Variants in ZC3H8 observed in about 807,000 individuals in gnomAD.
ZC3H8 encodes the protein zinc finger CCCH domain-containing protein 8.
Under a neutral mutation model 42.5 loss-of-function variants are expected in ZC3H8, and 27 were observed. The ratio of observed to expected loss-of-function variants is 0.64; its 90% confidence interval spans 0.47 to 0.88. The LOEUF is 0.88. ZC3H8 is among the 40% of genes least tolerant of loss of function. ZC3H8 has a pLI of 0.00. For missense variants in ZC3H8, 277 were observed against 336.1 expected, an observed-to-expected ratio of 0.82 and a Z score of 1.37; for synonymous variants, 101 against 110.1, an observed-to-expected ratio of 0.92 and a Z score of 0.52.
Position 112,227,449 on chromosome 2 carries a change from C to T in ZC3H8, c.*15+3454G>A, listed in dbSNP as rs374538568. 1.8e-4 allele frequency among the ~76,000 whole-genome samples: 27 copies of T among 152,300 alleles called. No homozygotes were observed. In the East Asian group the frequency reaches 4.4e-3, roughly 25 times the overall value. On this transcript the variant is annotated intron_variant, in intron 8 of 8. Transcript: ENST00000409573. ...CTGAGGCAGGAGAATCACCTGAACC[C>T]GCAAGGCCGCGGTTGCAGTGAACCG... is the stretch of plus-strand genomic sequence containing the variant.
At chr2:112,232,311 T>C (rs1685130179) in intron 6 of ZC3H8, among the ~76,000 whole-genome samples, 1 of 114,010 alleles carries the variant, frequency 8.8e-6, no homozygotes, top group African/African-American at 3.1e-5. Flanking sequence ...CAAGATAATG[T>C]CTCAAAAAAA....
chr2:112,225,433 GTGCTACTGCACTC>G (rs1345532904), intron 8 of ZC3H8, among the ~76,000 whole-genome samples: 1 of 152,168 alleles, frequency 6.6e-6, no homozygotes, highest in Non-Finnish European at 1.5e-5. Flanking sequence ...AGCTATGATT[GTGCTACTGCACTC>G]CAGCCTAGGC....
intron 2 of ZC3H8, among the ~76,000 whole-genome samples, chr2:112,244,751 C>T (rs1270688699): frequency 6.6e-6 from 1 of 152,106 alleles, no homozygotes; most frequent in Non-Finnish European, 1.5e-5. Context: ...TGAGGGGGTG[C>T]CATGAACCAT....
chr2:112,215,480 A>G lies in ZC3H8; in HGVS notation c.*1004T>C, dbSNP rs944054214. 4.6e-5 allele frequency: 7 copies of G among 152,228 alleles called. No homozygotes were observed. Among genetic ancestry groups the G allele is most frequent in the African/African-American group, 9.6e-5 (4 of 41,464 alleles). 9.4% of individuals were successfully genotyped at this position (152,228 alleles called of 1,614,324 possible). A position where few individuals can be genotyped will look rare whatever the true frequency, so the allele number is the denominator to read the frequency against. The stretch of plus-strand genomic sequence containing the variant: ...CCCTTTCTTGCTTTAGCAGGATTAG[A>G]TAACAATGAAAATAACTTTGATTCC... On this transcript the variant is annotated 3_prime_UTR_variant, in exon 9 of 9. Coordinates refer to ENST00000409573, the MANE Select transcript of ZC3H8 (RefSeq NM_032494.3).
At chr2:112,236,500 T>C in intron 4 of ZC3H8, 62 bp downstream of exon 4, 1 of 1,581,872 alleles carries the variant, frequency 6.3e-7, no homozygotes, top group Non-Finnish European at 8.6e-7. Flanking sequence ...GTCACTGAAG[T>C]ATAAGATCAA....
intron 4 of ZC3H8, 139 bp downstream of exon 4, chr2:112,236,423 G>T: frequency 8.9e-7 from 1 of 1,121,006 alleles, no homozygotes; most frequent in Non-Finnish European, 1.2e-6. Context: ...GACAGTAAAA[G>T]GACATCTTCA....
At chr2:112,245,665 T>G (rs540383915) in intron 2 of ZC3H8, among the ~76,000 whole-genome samples, 1 of 152,198 alleles carries the variant, frequency 6.6e-6, no homozygotes, top group Admixed American at 6.5e-5. Context: ...AAAAGCAATG[T>G]GCATGATGAA....
chr2:112,254,731 C>A (rs558510521), intron 1 of ZC3H8, among the ~76,000 whole-genome samples, 177 bp downstream of exon 1: 1 of 152,354 alleles, frequency 6.6e-6, no homozygotes, highest in African/African-American at 2.4e-5. Context: ...TGCTCCCACC[C>A]GGACCCCGCA....
At chr2:112,254,139 A>G (rs1215765710) in intron 1 of ZC3H8, 3 of 985,258 alleles carry the variant, frequency 3.0e-6, no homozygotes, top group South Asian at 9.4e-5. Flanking sequence ...AATTTGAGAT[A>G]GAGTGAACAG....
At chr2:112,225,012 AATTT>A (rs1241396115) in intron 8 of ZC3H8, among the ~76,000 whole-genome samples, 7 of 152,056 alleles carry the variant, frequency 4.6e-5, no homozygotes, top group Non-Finnish European at 4.4e-5. Context: ...ACACCTTTTT[AATTT>A]ATTCCTGTTT....
rs71385865 is a variant in ZC3H8 at position 112,216,683 on chromosome 2, C to CAAAA, written c.*16-219_*16-216dup. On this transcript the variant is annotated intron_variant, in intron 8 of 8. Transcript: ENST00000409573. The stretch of plus-strand genomic sequence containing the variant: ...TCAAAAACTAAGATTAGAACTGAAG[C>CAAAA]AAAAAAAAAAAAAATACAAATAATG... Among the ~76,000 whole-genome samples the CAAAA allele has an allele frequency of 7.1e-3, 857 of 121,002 alleles. 8 individuals are homozygous for CAAAA. The highest frequency in any genetic ancestry group is 0.023 in the African/African-American group (753 of 33,292). The allele number at this position is 121,002 out of a possible 152,430, so 79.4% of individuals were successfully genotyped here.
At chr2:112,248,577 G>A (rs921511189) in intron 2 of ZC3H8, among the ~76,000 whole-genome samples, 1 of 151,932 alleles carries the variant, frequency 6.6e-6, no homozygotes, top group East Asian at 1.9e-4. Context: ...CGCAACCTCT[G>A]CCTCCCGGGT....
Position 112,213,775 on chromosome 2 carries a change from CAAAAAAAAAAAAAAAAAAAAAAA to C in ZC3H8, c.*2686_*2708del, listed in dbSNP as rs1166711844. The C allele has an allele frequency of 4.2e-5, 1 of 24,066 alleles. No homozygotes were observed. Among genetic ancestry groups the C allele is most frequent in the Non-Finnish European group, 6.5e-5 (1 of 15,388 alleles). The allele number at this position is 24,066 out of a possible 1,614,324, so 1.5% of individuals were successfully genotyped here. ...TGGGCGACAGAGCGAGACTCCGTCT[CAAAAAAAAAAAAAAAAAAAAAAA>C]AAAAAAAAAAAAATTTAGTTCTACT... On this transcript the variant is annotated 3_prime_UTR_variant, in exon 9 of 9. Coordinates refer to ENST00000409573, the MANE Select transcript of ZC3H8 (RefSeq NM_032494.3).
intron 5 of ZC3H8, 143 bp from the exon 6 acceptor site, chr2:112,233,514 A>T: frequency 3.2e-6 from 2 of 621,388 alleles, no homozygotes; most frequent in Non-Finnish European, 5.7e-6. Flanking sequence ...CTGTTAATAA[A>T]TTATAACCAC....
intron 1 of ZC3H8, among the ~76,000 whole-genome samples, chr2:112,253,609 CA>C (rs1272172465): frequency 1.3e-4 from 20 of 152,212 alleles, no homozygotes; most frequent in Admixed American, 1.1e-3. Context: ...ATAATATGGA[CA>C]GCTCACCATA....
At chr2:112,233,955 C>A (rs1219766178) in intron 5 of ZC3H8, among the ~76,000 whole-genome samples, 165 bp downstream of exon 5, 1 of 152,096 alleles carries the variant, frequency 6.6e-6, no homozygotes, top group Middle Eastern at 3.2e-3. Flanking sequence ...GGATTACAGG[C>A]CTGGCTACTT....
chr2:112,231,925 G>C lies in ZC3H8; in HGVS notation c.756C>G (p.Tyr252Ter). ...YLHNEYPCKF[Y>*]HTGTKCYQGE... is the part of the protein sequence containing the mutation. ...CCTGATAACATTTTGTTCCTGTATG[G>C]TAAAACTTACAAGGATATTCATGTA... Residue 252 changes from tyrosine (Y) to a stop codon, truncating the protein, a stop_gained, in exon 7 of 9, where the codon TAC (tyrosine) becomes TAG (stop). Coordinates refer to ENST00000409573, the MANE Select transcript of ZC3H8 (RefSeq NM_032494.3). LOFTEE classifies it high-confidence loss of function. 6.3e-7 allele frequency: 1 copy of C among 1,576,660 alleles called. No homozygotes were observed. The highest frequency in any genetic ancestry group is 1.2e-5 in the South Asian group (1 of 85,224).
At chr2:112,233,118 A>G (rs1685164363) in intron 6 of ZC3H8, 142 bp downstream of exon 6, 3 of 550,022 alleles carry the variant, frequency 5.5e-6, no homozygotes, top group Admixed American at 8.1e-5. Flanking sequence ...ATCCACGTAC[A>G]ATTTAATCAC....
chr2:112,232,096 G>A (rs1013941272), intron 6 of ZC3H8, 149 bp from the exon 7 acceptor site: 15 of 419,868 alleles, frequency 3.6e-5, no homozygotes, highest in Non-Finnish European at 4.6e-5. Context: ...GATCACTTGA[G>A]GCCAGGAGTT....
Sources: gnomAD v4.1 joint callset for allele counts (sites outside exome capture counted in the v4.1 genomes callset) on GRCh38, gnomAD v4.1.1 for gene constraint, MANE v1.5 for transcripts, NCBI Gene and HGNC (gene_info 2026-07-23, HGNC 2026-07-21) for gene names.